Variants in SCNN1B observed in about 807,000 individuals in gnomAD.
The protein encoded by SCNN1B is sodium channel epithelial 1 subunit beta, also known as epithelial sodium channel subunit beta.
A neutral mutation model predicts 65.3 loss-of-function variants in SCNN1B; 46 were observed. The observed-to-expected ratio is 0.70, with a 90% CI of 0.56 to 0.90. The LOEUF (loss-of-function observed/expected upper bound fraction) is 0.90, where lower values mean the gene tolerates loss of function less well. SCNN1B is among the 40% of genes least tolerant of loss of function. The pLI is 0.00. For synonymous variants in SCNN1B, 349 were observed against 330.6 expected, an observed-to-expected ratio of 1.06 and a Z score of -0.60; for missense variants, 751 against 830.5, an observed-to-expected ratio of 0.90 and a Z score of 1.18.
intron 4 of SCNN1B, among the ~76,000 whole-genome samples, chr16:23,360,043 A>T (rs1446713682): frequency 6.6e-6 from 1 of 151,998 alleles, no homozygotes; most frequent in Admixed American, 6.6e-5. Context: ...TCTCTACTAA[A>T]AATACAAAAA....
In SCNN1B at chr16:23,371,468, G is replaced by A; in HGVS notation, c.1044+6G>A. On this transcript the variant is annotated splice_donor_region_variant and intron_variant, in intron 6 of 12. Coordinates refer to ENST00000343070, the MANE Select transcript of SCNN1B (RefSeq NM_000336.3). ...CGTCCATCGGGGTACTCGTGGTATG[G>A]CCGGAGCCCAAGGGCAGTCCTAGAG... is the stretch of plus-strand genomic sequence containing the variant. The A allele has an allele frequency of 1.9e-6, 3 of 1,613,380 alleles. No individual in the cohort carries two copies. Among genetic ancestry groups the A allele is most frequent in the Non-Finnish European group, 1.7e-6 (2 of 1,179,922 alleles).
At chr16:23,375,178 C>T (rs13333366) in intron 7 of SCNN1B, among the ~76,000 whole-genome samples, 7,996 of 152,154 alleles carry the variant, frequency 0.053, 727 homozygotes, top group African/African-American at 0.18. Context: ...CTCTTCCTCG[C>T]CCCACCAGGA....
chr16:23,317,799 C>T (rs973012999), intron 1 of SCNN1B, among the ~76,000 whole-genome samples: 2 of 152,224 alleles, frequency 1.3e-5, no homozygotes, highest in African/African-American at 2.4e-5. Context: ...GTCTTGCCTC[C>T]AGCCTCTAGG....
intron 1 of SCNN1B, among the ~76,000 whole-genome samples, chr16:23,321,393 C>A (rs1961584243): frequency 1.3e-5 from 2 of 152,118 alleles, no homozygotes. Flanking sequence ...CTGGGGCTCC[C>A]TGTTCCTCTG....
chr16:23,330,846 C>A (rs997390314), intron 1 of SCNN1B, among the ~76,000 whole-genome samples: 1 of 152,156 alleles, frequency 6.6e-6, no homozygotes, highest in Non-Finnish European at 1.5e-5. Context: ...CAGGCATGAG[C>A]CACCATGCCC....
At position 23,381,254 on chromosome 16, in the gene SCNN1B, G is replaced by T. The variant is rs528148354; in HGVS notation, c.*453G>T. ...TCAGGTGTAGGGACCCTGCCAAGTG[G>T]CACCTGATTTACTCTAGAAAATAAA... On this transcript the variant is annotated 3_prime_UTR_variant, in exon 13 of 13. Coordinates refer to ENST00000343070, the MANE Select transcript of SCNN1B (RefSeq NM_000336.3). 12 of 189,652 alleles carry T rather than the reference G, an allele frequency of 6.3e-5. No homozygotes were observed. In the South Asian group the frequency reaches 1.4e-3, roughly 23 times the overall value. The allele number at this position is 189,652 out of a possible 1,614,324, so 11.7% of individuals were successfully genotyped here.
chr16:23,301,882 G>A (rs968587581), upstream of SCNN1B, among the ~76,000 whole-genome samples: 6 of 152,208 alleles, frequency 3.9e-5, no homozygotes, highest in Admixed American at 3.9e-4. Context: ...CTTGCCCAGA[G>A]GACACTGTGT....
At chr16:23,331,002 T>TTA (rs1403133404) in intron 1 of SCNN1B, among the ~76,000 whole-genome samples, 1 of 152,176 alleles carries the variant, frequency 6.6e-6, no homozygotes, top group Non-Finnish European at 1.5e-5. Flanking sequence ...GTGGCCAGCG[T>TTA]TCTTTATCAC....
chr16:23,293,961 A>T (rs1960961614), intron 2 of SCNN1B, among the ~76,000 whole-genome samples: 1 of 152,074 alleles, frequency 6.6e-6, no homozygotes, highest in Admixed American at 6.6e-5. Context: ...ATTTTATGTC[A>T]TGCATATATG....
rs369571760 is a variant in SCNN1B, at chr16:23,367,944, C to A, written c.865C>A (p.Pro289Thr). The A allele has an allele frequency of 6.2e-7, 1 of 1,613,664 alleles. No individual in the cohort carries two copies. The highest frequency in any genetic ancestry group is 8.5e-7 in the Non-Finnish European group (1 of 1,179,526). ...MTEKALPSAN[P>T]GTEFGLKLIL... Reference sequence around the variant, plus strand: ...AGAGAAGGCACTTCCTTCGGCCAACCCTGGAACTGAATTCGGTGAGTTTTG... The same window carrying A: ...AGAGAAGGCACTTCCTTCGGCCAACACTGGAACTGAATTCGGTGAGTTTTG... Residue 289 changes from proline (P) to threonine (T), a missense_variant, in exon 5 of 13, where the codon CCT (proline) becomes ACT (threonine). By Grantham distance (38) the Pro-to-Thr change is conservative. Coordinates refer to ENST00000343070, the MANE Select transcript of SCNN1B (RefSeq NM_000336.3).
chr16:23,290,381 C>T (rs772143124), intron 2 of SCNN1B, among the ~76,000 whole-genome samples: 5 of 152,200 alleles, frequency 3.3e-5, no homozygotes, highest in Non-Finnish European at 7.3e-5. Context: ...GATCATGGCT[C>T]ACTGCAGCCT....
chr16:23,330,026 C>CAA (rs201372944), intron 1 of SCNN1B, among the ~76,000 whole-genome samples: 2 of 91,964 alleles, frequency 2.2e-5, no homozygotes, highest in Non-Finnish European at 2.3e-5. Context: ...GACCCTGTCT[C>CAA]AAAAAAAAAA....
At chr16:23,356,889 C>A (rs1962432470) in intron 4 of SCNN1B, among the ~76,000 whole-genome samples, 1 of 152,114 alleles carries the variant, frequency 6.6e-6, no homozygotes, top group South Asian at 2.1e-4. Flanking sequence ...CCATTCTATC[C>A]CCTCCTAACA....
At chr16:23,340,541 C>CT (rs138210902) in intron 1 of SCNN1B, among the ~76,000 whole-genome samples, 16,633 of 152,132 alleles carry the variant, frequency 0.11, 1,023 homozygotes, top group African/African-American at 0.16. Flanking sequence ...AAAAATTACA[C>CT]TTTTTTATTT....
At chr16:23,372,475 C>T (rs1329992002) in intron 7 of SCNN1B, among the ~76,000 whole-genome samples, 2 of 150,180 alleles carry the variant, frequency 1.3e-5, no homozygotes, top group Non-Finnish European at 3.0e-5. Context: ...TCAAATGCAT[C>T]ATCAATTTAC....
chr16:23,354,241 C>T (rs1188802510), intron 3 of SCNN1B, among the ~76,000 whole-genome samples: 2 of 152,240 alleles, frequency 1.3e-5, no homozygotes, highest in Non-Finnish European at 2.9e-5. Flanking sequence ...TGCTGTGAAG[C>T]TTCAATGGGA....
At chr16:23,379,176 T>G (rs1323927103) in intron 11 of SCNN1B, among the ~76,000 whole-genome samples, 1 of 148,210 alleles carries the variant, frequency 6.7e-6, no homozygotes, top group African/African-American at 2.6e-5. Context: ...CAGCCAGCCA[T>G]CCTCCACCCA....
At chr16:23,378,098 T>G (rs1328028521) in intron 10 of SCNN1B, among the ~76,000 whole-genome samples, 1 of 152,186 alleles carries the variant, frequency 6.6e-6, no homozygotes, top group Non-Finnish European at 1.5e-5. Context: ...AGCCTCGAAC[T>G]CCTGGGCTTA....
At chr16:23,379,074 C>A (rs544471083) in intron 11 of SCNN1B, among the ~76,000 whole-genome samples, 1 of 150,290 alleles carries the variant, frequency 6.7e-6, no homozygotes, top group Non-Finnish European at 1.5e-5. Flanking sequence ...TCCATTCTCC[C>A]ACCCAGCCAT....
Sources: gnomAD v4.1 joint callset for allele counts (sites outside exome capture counted in the v4.1 genomes callset) on GRCh38, gnomAD v4.1.1 for gene constraint, MANE v1.5 for transcripts, NCBI Gene and HGNC (gene_info 2026-07-23, HGNC 2026-07-21) for gene names.